Variants in TMC2 observed in about 807,000 individuals in gnomAD.
TMC2 encodes transmembrane channel like 2.
Under a neutral mutation model 105.9 loss-of-function variants are expected in TMC2, and 102 were observed. That is an observed-to-expected ratio of 0.96 (90% CI 0.82 to 1.14). The LOEUF is 1.14. TMC2 is among the 50% of genes most tolerant of loss of function. The probability of loss-of-function intolerance (pLI) is 0.00; values close to 1 mark genes in which losing one functional copy is unlikely to be tolerated. For missense variants in TMC2, 1,093 were observed against 1,134.3 expected, an observed-to-expected ratio of 0.96 and a Z score of 0.52; for synonymous variants, 402 against 422.8, an observed-to-expected ratio of 0.95 and a Z score of 0.60.
At chr20:2,587,933 A>G (rs1228185856) in intron 7 of TMC2, among the ~76,000 whole-genome samples, 2 of 151,920 alleles carry the variant, frequency 1.3e-5, no homozygotes, top group East Asian at 3.9e-4. Context: ...TTTTGTTGTC[A>G]TTGTTGATTT....
rs200576761 is a variant in TMC2 at position 2,558,581 on chromosome 20, C to T, written c.208C>T (p.Arg70Trp). ...AGGSPSPGSP[R>W]RKQTGRRRHR... ...GGGCAGCCCAAGCCCGGGGTCTCCC[C>T]GGAGGAAGCAAACAGGGCGCAGGAG... The change falls in exon 3 of 20, where the codon CGG becomes TGG. Residue 70 changes from arginine (R) to tryptophan (W), a missense_variant. Coordinates refer to ENST00000358864, the MANE Select transcript of TMC2 (RefSeq NM_080751.3). The surrounding 1 kb of genome is among the most constrained non-coding windows in gnomAD (Gnocchi z 4.6). 5 of 1,553,578 alleles carry T rather than the reference C, an allele frequency of 3.2e-6. No homozygotes were observed. The African/African-American group carries it at 5.5e-5, about 17-fold the overall frequency.
chr20:2,548,802 T>A (rs891755895), intron 2 of TMC2, among the ~76,000 whole-genome samples: 1 of 152,092 alleles, frequency 6.6e-6, no homozygotes, highest in African/African-American at 2.4e-5. Context: ...ATGTTCAGAG[T>A]AATGAATCAT....
At position 2,597,415 on chromosome 20, in the gene TMC2, C is replaced by G. The variant is rs1455728671; in HGVS notation, c.1224+117C>G. On this transcript the variant is annotated intron_variant, in intron 10 of 19. Coordinates refer to ENST00000358864, the MANE Select transcript of TMC2 (RefSeq NM_080751.3). ...GTCCTCAAATAATTTGTGGCAAGAG[C>G]CTTCCCAGAAATGTGAGCCCAGTTT... The G allele has an allele frequency of 4.6e-6, 5 of 1,080,696 alleles. No homozygotes were observed. In the Admixed American group the frequency reaches 1.3e-4, roughly 27 times the overall value. 66.9% of individuals were successfully genotyped at this position (1,080,696 alleles called of 1,614,324 possible).
intron 4 of TMC2, among the ~76,000 whole-genome samples, chr20:2,564,593 A>G (rs1299784285): frequency 6.6e-6 from 1 of 152,138 alleles, no homozygotes; most frequent in African/African-American, 2.4e-5. Context: ...TTTTATTAAC[A>G]GTGGAAAAAG....
intron 7 of TMC2, among the ~76,000 whole-genome samples, chr20:2,586,565 G>T (rs538290027): frequency 1.3e-5 from 2 of 152,220 alleles, no homozygotes; most frequent in Non-Finnish European, 2.9e-5. Context: ...AGGGGAACCA[G>T]CACATCACTT....
chr20:2,603,018 A>G (rs2086363111), intron 11 of TMC2, among the ~76,000 whole-genome samples: 1 of 152,214 alleles, frequency 6.6e-6, no homozygotes, highest in African/African-American at 2.4e-5. Flanking sequence ...GTGCTTGTGT[A>G]TTGAGACTTG....
rs961082695 is a variant in TMC2 at position 2,592,741 on chromosome 20, C to T, written c.933+333C>T. Among the ~76,000 whole-genome samples the T allele has an allele frequency of 1.1e-4, 17 of 152,178 alleles. No individual in the cohort carries two copies. Among genetic ancestry groups the T allele is most frequent in the African/African-American group, 2.9e-4 (12 of 41,434 alleles). ...ACCCCAGATCTATCTCCACTCCAGG[C>T]TTCCCCAAGTTTCACATGACATCTT... On this transcript the variant is annotated intron_variant, in intron 8 of 19. Transcript: ENST00000358864. This position sits in a 1 kb window ranked among gnomAD's most constrained non-coding sequence, Gnocchi z 4.9.
intron 8 of TMC2, among the ~76,000 whole-genome samples, chr20:2,593,679 G>C (rs1169051337): frequency 5.3e-5 from 8 of 151,976 alleles, no homozygotes; most frequent in Non-Finnish European, 1.2e-4. Context: ...CCCTTTACTG[G>C]AACTACTGTC....
At chr20:2,540,433 G>A (rs986699454) in intron 2 of TMC2, among the ~76,000 whole-genome samples, 12 of 151,954 alleles carry the variant, frequency 7.9e-5, no homozygotes. Context: ...GGCTGAGGTG[G>A]GGAGATCACT....
chr20:2,616,965 C>A lies in TMC2; in HGVS notation c.1941-107C>A. 1 of 1,337,778 alleles carries A rather than the reference C, an allele frequency of 7.5e-7. No homozygotes were observed. The allele number at this position is 1,337,778 out of a possible 1,614,324, so 82.9% of individuals were successfully genotyped here. A position where few individuals can be genotyped will look rare whatever the true frequency, so the allele number is the denominator to read the frequency against. ...CTTACCTGGGGACTTGCCAGGAAAG[C>A]AGCTCGGCCTCATGCCCCTAACCCA... On this transcript the variant is annotated intron_variant, in intron 15 of 19. Transcript: ENST00000358864. The surrounding 1 kb of genome is among the most constrained non-coding windows in gnomAD (Gnocchi z 4.8).
At chr20:2,548,839 T>C (rs1271331975) in intron 2 of TMC2, among the ~76,000 whole-genome samples, 1 of 152,158 alleles carries the variant, frequency 6.6e-6, no homozygotes. Flanking sequence ...TTTAGGTATT[T>C]TGTAACCTTC....
intron 17 of TMC2, among the ~76,000 whole-genome samples, chr20:2,628,567 C>A (rs1041002520): frequency 6.6e-6 from 1 of 151,176 alleles, no homozygotes; most frequent in South Asian, 2.1e-4. Flanking sequence ...CAGTTCCCCC[C>A]GTGCCGTTCT....
intron 18 of TMC2, among the ~76,000 whole-genome samples, chr20:2,636,605 CCTT>C (rs2086647118): frequency 9.3e-6 from 1 of 107,014 alleles, no homozygotes; most frequent in East Asian, 3.2e-4. Context: ...CCCGTCCACA[CCTT>C]CTTCTGGTTT....
chr20:2,549,853 G>C (rs2085946517), intron 2 of TMC2, among the ~76,000 whole-genome samples: 1 of 152,034 alleles, frequency 6.6e-6, no homozygotes, highest in South Asian at 2.1e-4. Context: ...TCATTTTTTA[G>C]AGCAGTTTTA....
intron 2 of TMC2, among the ~76,000 whole-genome samples, chr20:2,544,564 C>T (rs1351959233): frequency 2.0e-5 from 3 of 152,198 alleles, no homozygotes; most frequent in Non-Finnish European, 1.5e-5. Context: ...GTACAGCATT[C>T]TTCCACTAAA....
rs3051763 is a variant in TMC2, at chr20:2,636,459, T to TACACACACACACAC, written c.2385+476_2385+489dup. Reference sequence around the variant, plus strand: ...TGACACCCTACTTCTGACTGCTGTCTACACACACACACACACACACACACA... The same window carrying TACACACACACACAC: ...TGACACCCTACTTCTGACTGCTGTCTACACACACACACACACACACACACACACACACACACACA... On this transcript the variant is annotated intron_variant, in intron 18 of 19. Transcript: ENST00000358864. 5.8e-3 allele frequency among the ~76,000 whole-genome samples: 826 copies of TACACACACACACAC among 143,512 alleles called. 8 individuals carry two copies. The highest frequency in any genetic ancestry group is 0.015 in the South Asian group (65 of 4,336). 94.1% of individuals were successfully genotyped at this position (143,512 alleles called of 152,430 possible).
Position 2,616,939 on chromosome 20 carries a change from C to T in TMC2, c.1941-133C>T. The T allele has an allele frequency of 1.0e-6, 1 of 983,082 alleles. No individual in the cohort carries two copies. The highest frequency in any genetic ancestry group is 2.2e-5 in the Admixed American group (1 of 45,712). 60.9% of individuals were successfully genotyped at this position (983,082 alleles called of 1,614,324 possible). On this transcript the variant is annotated intron_variant, in intron 15 of 19. Transcript: ENST00000358864. The surrounding 1 kb of genome is among the most constrained non-coding windows in gnomAD (Gnocchi z 4.8). The stretch of plus-strand genomic sequence containing the variant: ...CGATATTCTGGTTAAATGGGAGGCC[C>T]CTTACCTGGGGACTTGCCAGGAAAG...
chr20:2,634,265 C>T (rs1421557597), intron 17 of TMC2, among the ~76,000 whole-genome samples: 1 of 152,214 alleles, frequency 6.6e-6, no homozygotes, highest in African/African-American at 2.4e-5. Context: ...TGCAATGGCG[C>T]CTCTCCTTCA....
chr20:2,616,921 C>A lies in TMC2; in HGVS notation c.1941-151C>A. On this transcript the variant is annotated intron_variant, in intron 15 of 19. Transcript: ENST00000358864. The surrounding 1 kb of genome is among the most constrained non-coding windows in gnomAD (Gnocchi z 4.8). ...TGGTTCTGGCTTGATGATCGATATT[C>A]TGGTTAAATGGGAGGCCCCTTACCT... 1 of 773,280 alleles carries A rather than the reference C, an allele frequency of 1.3e-6. No homozygotes were observed. The highest frequency in any genetic ancestry group is 2.1e-6 in the Non-Finnish European group (1 of 483,460). 47.9% of individuals were successfully genotyped at this position (773,280 alleles called of 1,614,324 possible).
Sources: gnomAD v4.1 joint callset for allele counts (sites outside exome capture counted in the v4.1 genomes callset) on GRCh38, gnomAD v4.1.1 for gene constraint, Gnocchi (gnomAD v3.1) non-coding constraint, MANE v1.5 for transcripts, NCBI Gene and HGNC (gene_info 2026-07-23, HGNC 2026-07-21) for gene names.